Variants in GRIN2A observed in about 807,000 individuals in gnomAD.
GRIN2A encodes glutamate receptor ionotropic, NMDA 2A.
In GRIN2A, 22 loss-of-function variants were observed where a neutral mutation model predicts 113.4. The observed-to-expected ratio is 0.19, with a 90% CI of 0.14 to 0.28. The LOEUF is 0.28. Among genes scored for constraint, GRIN2A ranks in the 10% least tolerant of loss-of-function variants. The probability of loss-of-function intolerance (pLI) is 1.00; values close to 1 mark genes in which losing one functional copy is unlikely to be tolerated. For missense variants in GRIN2A, 1,502 were observed against 1,887.0 expected (o/e 0.80, Z 3.78); for synonymous variants, 827 against 738.4 (o/e 1.12, Z -1.94).
intron 2 of GRIN2A, among the ~76,000 whole-genome samples, chr16:10,040,978 C>G (rs1305066635): frequency 1.3e-5 from 2 of 152,250 alleles, no homozygotes; most frequent in Non-Finnish European, 1.5e-5. Flanking sequence ...CCTTCCTTCT[C>G]TGCCTCCACC....
At chr16:10,015,157 G>C (rs1230698330) in intron 2 of GRIN2A, among the ~76,000 whole-genome samples, 1 of 144,630 alleles carries the variant, frequency 6.9e-6, no homozygotes, top group Non-Finnish European at 1.5e-5. Context: ...GGGAGGCTGA[G>C]GCAGAAGAAT....
At chr16:10,076,734 G>A (rs775932022) in intron 2 of GRIN2A, among the ~76,000 whole-genome samples, 1 of 152,140 alleles carries the variant, frequency 6.6e-6, no homozygotes, top group Non-Finnish European at 1.5e-5. Flanking sequence ...TGGAAGAGTC[G>A]AGAGCACTGT....
intron 2 of GRIN2A, among the ~76,000 whole-genome samples, chr16:10,127,797 C>G (rs78460931): frequency 0.013 from 2,013 of 152,292 alleles, 53 homozygotes; most frequent in African/African-American, 0.047. Flanking sequence ...TCAAGTTGAG[C>G]TCTTCCATAG....
chr16:10,179,356 C>T (rs1386018328), intron 2 of GRIN2A: 1 of 154,136 alleles, frequency 6.5e-6, no homozygotes, highest in African/African-American at 2.4e-5. Context: ...TCTTTCCACT[C>T]CCACCCACTC....
chr16:10,109,893 ATT>A (rs199714817), intron 2 of GRIN2A, among the ~76,000 whole-genome samples: 108 of 151,542 alleles, frequency 7.1e-4, no homozygotes, highest in African/African-American at 2.5e-3. Context: ...AAAAAATAAA[ATT>A]TTTTTTAATT....
In GRIN2A at chr16:9,786,511, G is replaced by T. The variant is rs577382797; in HGVS notation, c.2356+11766C>A. ...AAAGTGATTTTGCCCAGTACCTTCT[G>T]CAGGGTAATGATGCTGTTTCATTAG... On this transcript the variant is annotated intron_variant, in intron 11 of 12. Transcript: ENST00000330684. Among the ~76,000 whole-genome samples the T allele has an allele frequency of 3.3e-5, 5 of 152,254 alleles. No individual in the cohort carries two copies. In the South Asian group the frequency reaches 1.0e-3, roughly 32 times the overall value.
At chr16:9,960,140 G>T (rs1386914897) in intron 2 of GRIN2A, among the ~76,000 whole-genome samples, 2 of 152,164 alleles carry the variant, frequency 1.3e-5, no homozygotes, top group Non-Finnish European at 2.9e-5. Context: ...GGAAAAAAAT[G>T]AGCTTTGCAT....
Position 10,091,335 on chromosome 16 carries a change from G to A in GRIN2A, c.414+88663C>T, listed in dbSNP as rs146019132. On this transcript the variant is annotated intron_variant, in intron 2 of 12. Coordinates refer to ENST00000330684, the MANE Select transcript of GRIN2A (RefSeq NM_001134407.3). Reference sequence around the variant, plus strand: ...TAAATAAACAAAATGTTGGCTGGGCGCAGTGGATCACATCTATAACTTTGG... The same window carrying A: ...TAAATAAACAAAATGTTGGCTGGGCACAGTGGATCACATCTATAACTTTGG... Among the ~76,000 whole-genome samples the A allele has an allele frequency of 2.6e-3, 396 of 152,182 alleles. 6 individuals are homozygous for A. Among genetic ancestry groups the A allele is most frequent in the Non-Finnish European group, 7.2e-4 (49 of 68,004 alleles).
At chr16:9,992,368 G>A (rs1282512321) in intron 2 of GRIN2A, among the ~76,000 whole-genome samples, 1 of 152,172 alleles carries the variant, frequency 6.6e-6, no homozygotes, top group Admixed American at 6.5e-5. Context: ...AGATGGAACA[G>A]GGAAGACAGA....
chr16:10,164,725 G>A (rs2049875782), intron 2 of GRIN2A, among the ~76,000 whole-genome samples: 1 of 152,078 alleles, frequency 6.6e-6, no homozygotes, highest in African/African-American at 2.4e-5. Context: ...TGTTATATTG[G>A]AAGCCATCAT....
At chr16:10,010,709 A>C (rs979532599) in intron 2 of GRIN2A, among the ~76,000 whole-genome samples, 3 of 152,134 alleles carry the variant, frequency 2.0e-5, no homozygotes, top group African/African-American at 7.2e-5. Context: ...GGAGGAGAGG[A>C]GAGGCTACTG....
chr16:9,927,099 A>T (rs1171295296), intron 3 of GRIN2A, among the ~76,000 whole-genome samples: 1 of 152,178 alleles, frequency 6.6e-6, no homozygotes, highest in Non-Finnish European at 1.5e-5. Context: ...TATCTGTAAT[A>T]TGAATCATGA....
rs1900301521 is a variant in GRIN2A at position 9,755,128 on chromosome 16, CAT to C, written c.*8019_*8020del. On this transcript the variant is annotated 3_prime_UTR_variant, in exon 13 of 13. Transcript: ENST00000330684. ...AAATGCAAACTCATTGTTTCACTGACATAGTAAGTAAGAGAATTATGAGTGAT... is the reference window on the plus strand; with the variant it reads ...AAATGCAAACTCATTGTTTCACTGACAGTAAGTAAGAGAATTATGAGTGAT... The C allele has an allele frequency of 1.5e-5, 3 of 197,142 alleles. No homozygotes were observed. The Admixed American group carries it at 1.8e-4, about 12-fold the overall frequency. 12.2% of individuals were successfully genotyped at this position (197,142 alleles called of 1,614,324 possible).
chr16:9,843,650 A>G (rs1365233022), intron 5 of GRIN2A, among the ~76,000 whole-genome samples: 1 of 151,740 alleles, frequency 6.6e-6, no homozygotes, highest in East Asian at 1.9e-4. Flanking sequence ...GTACTCAACC[A>G]CTCTGCTTCT....
intron 2 of GRIN2A, among the ~76,000 whole-genome samples, chr16:9,954,636 A>T (rs1336796474): frequency 2.6e-5 from 4 of 152,140 alleles, no homozygotes; most frequent in African/African-American, 9.7e-5. Flanking sequence ...ATACAAACCC[A>T]TCTCTCCATT....
chr16:9,850,970 C>T (rs1167189592), intron 4 of GRIN2A, among the ~76,000 whole-genome samples: 1 of 152,134 alleles, frequency 6.6e-6, no homozygotes, highest in African/African-American at 2.4e-5. Context: ...CCACAGGTCA[C>T]CGCTTTATTT....
chr16:10,137,230 CACATGCT>C (rs1314149342), intron 2 of GRIN2A, among the ~76,000 whole-genome samples: 1 of 152,218 alleles, frequency 6.6e-6, no homozygotes, highest in African/African-American at 2.4e-5. Flanking sequence ...GCCCCAACAG[CACATGCT>C]ACATAACCCT....
intron 2 of GRIN2A, among the ~76,000 whole-genome samples, chr16:10,069,987 G>C (rs1478573546): frequency 6.6e-6 from 1 of 152,154 alleles, no homozygotes; most frequent in Admixed American, 6.5e-5. Context: ...GTTCCCTCTT[G>C]CCTATCCACC....
chr16:10,127,974 A>C (rs1897780073), intron 2 of GRIN2A, among the ~76,000 whole-genome samples: 1 of 152,196 alleles, frequency 6.6e-6, no homozygotes, highest in Admixed American at 6.5e-5. Flanking sequence ...AGAATCACAT[A>C]GCATGAGCTC....
Sources: gnomAD v4.1 joint callset for allele counts (sites outside exome capture counted in the v4.1 genomes callset) on GRCh38, gnomAD v4.1.1 for gene constraint, MANE v1.5 for transcripts, NCBI Gene and HGNC (gene_info 2026-07-23, HGNC 2026-07-21) for gene names.